The following NMRK1 variants were observed in gnomAD, a reference collection of about 807,000 sequenced individuals.
NMRK1 encodes nicotinamide riboside kinase 1.
In NMRK1, 28 loss-of-function variants were observed where a neutral mutation model predicts 29.9. The observed-to-expected ratio is 0.94, with a 90% confidence interval of 0.69 to 1.28. The LOEUF is 1.28. Ranked by LOEUF, NMRK1 falls within the 50% of genes most tolerant of loss-of-function variation. The probability of loss-of-function intolerance (pLI) is 0.00; values close to 1 mark genes in which losing one functional copy is unlikely to be tolerated. For missense variants in NMRK1, 218 were observed against 233.1 expected (o/e 0.94, Z 0.42); for synonymous variants, 58 against 73.0 (o/e 0.79, Z 1.05).
chr9:75,075,625 C>T (rs1409727458), intron 4 of NMRK1, among the ~76,000 whole-genome samples: 2 of 152,114 alleles, frequency 1.3e-5, no homozygotes, highest in African/African-American at 2.4e-5. Context: ...ATATTCTCTA[C>T]AAAAAATGTT....
rs1440773681 is a variant in NMRK1, at chr9:75,078,453, GTCCAGGAGAAGGGGCACTGAGTTAC to G, written c.30-898_30-874del. 42 of 1,512,926 alleles carry G rather than the reference GTCCAGGAGAAGGGGCACTGAGTTAC, an allele frequency of 2.8e-5. No homozygotes were observed. The Admixed American group carries it at 8.3e-4, about 30-fold the overall frequency. 93.7% of individuals were successfully genotyped at this position (1,512,926 alleles called of 1,614,324 possible). On this transcript the variant is annotated intron_variant, in intron 2 of 8. Transcript: ENST00000361092. ...TTGTCTCTTCTGACCGGACTGTGAA[GTCCAGGAGAAGGGGCACTGAGTTAC>G]TCCTCTTTAGATCTAGTTTTGCAGC...
At chr9:75,084,187 A>C (rs1824484131) in intron 1 of NMRK1, among the ~76,000 whole-genome samples, 1 of 152,220 alleles carries the variant, frequency 6.6e-6, no homozygotes, top group South Asian at 2.1e-4. Flanking sequence ...TGGCTCCTGA[A>C]GGTCATCCCT....
intron 4 of NMRK1, among the ~76,000 whole-genome samples, chr9:75,072,694 GA>G (rs572513216): frequency 6.8e-4 from 104 of 151,892 alleles, no homozygotes; most frequent in African/African-American, 2.5e-3. Flanking sequence ...TTGAAAATCA[GA>G]AAAAAGGGTA....
chr9:75,077,266 T>C (rs1824048402), intron 3 of NMRK1, 59 bp from the exon 4 acceptor site: 1 of 1,186,346 alleles, frequency 8.4e-7, no homozygotes, highest in African/African-American at 1.5e-5. Flanking sequence ...AATACAATTA[T>C]AGACTAAAAA....
At chr9:75,078,201 T>G (rs1472135076) in intron 2 of NMRK1, 4 of 1,429,988 alleles carry the variant, frequency 2.8e-6, no homozygotes, top group Middle Eastern at 3.8e-4. Flanking sequence ...ATGGTTCATA[T>G]GCAACACAGA....
intron 1 of NMRK1, among the ~76,000 whole-genome samples, chr9:75,086,665 ACTCTCTAACGCAG>A (rs1418475518): frequency 2.0e-5 from 3 of 152,164 alleles, no homozygotes; most frequent in Admixed American, 1.3e-4. Flanking sequence ...GATTGTACGA[ACTCTCTAACGCAG>A]CTCTCTAACG....
At chr9:75,077,239 G>C (rs1824045918) in intron 3 of NMRK1, 32 bp from the exon 4 acceptor site, 1 of 1,422,458 alleles carries the variant, frequency 7.0e-7, no homozygotes, top group African/African-American at 1.4e-5. Context: ...CATCAAAACA[G>C]TGTGTAGGAA....
At chr9:75,062,162 C>A (rs367687866) in intron 8 of NMRK1, among the ~76,000 whole-genome samples, 2 of 152,086 alleles carry the variant, frequency 1.3e-5, no homozygotes, top group African/African-American at 4.8e-5. Flanking sequence ...AGAAGACAAC[C>A]AACAAAGAGT....
chr9:75,066,800 CA>C lies in NMRK1; in HGVS notation c.536del (p.Leu179CysfsTer7). 1.2e-6 allele frequency: 2 copies of C among 1,607,218 alleles called. No homozygotes were observed. The highest frequency in any genetic ancestry group is 1.7e-6 in the Non-Finnish European group (2 of 1,175,686). ...CTTGTATTAGATCTTCATATACTTG[CA>C]AAAAGAGGTCCTCTTCAGATTTTGT... ...DGTKSEEDLF[L>X]QVYEDLIQEL... is the part of the protein sequence containing the mutation. On this transcript the variant is annotated frameshift_variant, in exon 8 of 9. Coordinates refer to ENST00000361092, the MANE Select transcript of NMRK1 (RefSeq NM_017881.3). LOFTEE classifies it high-confidence loss of function.
At chr9:75,075,581 A>G (rs2118149711) in intron 4 of NMRK1, among the ~76,000 whole-genome samples, 1 of 152,376 alleles carries the variant, frequency 6.6e-6, no homozygotes, top group East Asian at 1.9e-4. Context: ...AAAAGTTAAT[A>G]AGATAATCAA....
intron 7 of NMRK1, 145 bp from the exon 8 acceptor site, chr9:75,066,985 T>C: frequency 1.9e-6 from 1 of 534,048 alleles, no homozygotes; most frequent in Non-Finnish European, 3.3e-6. Flanking sequence ...TTAATAGTGA[T>C]TAAAGAAAGA....
intron 4 of NMRK1, among the ~76,000 whole-genome samples, chr9:75,071,705 G>A (rs1823708004): frequency 6.6e-6 from 1 of 152,180 alleles, no homozygotes; most frequent in Non-Finnish European, 1.5e-5. Flanking sequence ...CCCTGCTGAT[G>A]CTGTGTTGTG....
Position 75,066,801 on chromosome 9 carries a change from A to C in NMRK1, c.536T>G (p.Leu179Trp). ...DGTKSEEDLFLQVYEDLIQEL... is the reference protein window; with the variant it reads ...DGTKSEEDLFWQVYEDLIQEL... ...TTGTATTAGATCTTCATATACTTGCAAAAAGAGGTCCTCTTCAGATTTTGT... is the reference window on the plus strand; with the variant it reads ...TTGTATTAGATCTTCATATACTTGCCAAAAGAGGTCCTCTTCAGATTTTGT... Residue 179 changes from leucine to tryptophan, a missense_variant, in exon 8 of 9, where the codon TTG becomes TGG. Coordinates refer to ENST00000361092, the MANE Select transcript of NMRK1 (RefSeq NM_017881.3). The C allele has an allele frequency of 2.5e-6, 4 of 1,610,188 alleles. No individual in the cohort carries two copies. Among genetic ancestry groups the C allele is most frequent in the Non-Finnish European group, 3.4e-6 (4 of 1,176,570 alleles).
chr9:75,074,465 T>C (rs996127143), intron 4 of NMRK1, among the ~76,000 whole-genome samples: 2 of 152,152 alleles, frequency 1.3e-5, no homozygotes, highest in Non-Finnish European at 2.9e-5. Context: ...CGGCTCACTA[T>C]AGCCTTTGCC....
At chr9:75,069,573 T>C in intron 6 of NMRK1, 169 bp downstream of exon 6, 1 of 618,230 alleles carries the variant, frequency 1.6e-6, no homozygotes, top group Non-Finnish European at 2.8e-6. Flanking sequence ...CATTACTCCA[T>C]GCGGATGACC....
chr9:75,070,397 A>G (rs1218200911), intron 4 of NMRK1, among the ~76,000 whole-genome samples: 1 of 152,204 alleles, frequency 6.6e-6, no homozygotes, highest in Non-Finnish European at 1.5e-5. Flanking sequence ...AAGATGAAAT[A>G]TCTACAGATA....
At chr9:75,080,146 T>C (rs988690671) in intron 2 of NMRK1, among the ~76,000 whole-genome samples, 1 of 152,240 alleles carries the variant, frequency 6.6e-6, no homozygotes, top group Non-Finnish European at 1.5e-5. Context: ...TAGATGTTAA[T>C]ATTCCAATTT....
chr9:75,074,383 TTTTGA>T (rs975928528), intron 4 of NMRK1, among the ~76,000 whole-genome samples: 8 of 152,014 alleles, frequency 5.3e-5, no homozygotes, highest in South Asian at 2.1e-4. Flanking sequence ...TTCCACCATC[TTTTGA>T]TTTATTTATT....
chr9:75,078,153 G>A (rs2118187241), intron 2 of NMRK1, among the ~76,000 whole-genome samples: 1 of 152,254 alleles, frequency 6.6e-6, no homozygotes, highest in African/African-American at 2.4e-5. Context: ...ACACTGTGTT[G>A]GAAGCAAAAT....
Sources: gnomAD v4.1 joint callset for allele counts (sites outside exome capture counted in the v4.1 genomes callset) on GRCh38, gnomAD v4.1.1 for gene constraint, MANE v1.5 for transcripts, NCBI Gene and HGNC (gene_info 2026-07-23, HGNC 2026-07-21) for gene names.